The following MSH6 variants were observed in gnomAD, a reference collection of about 807,000 sequenced individuals.
MSH6 encodes the protein mutS homolog 6.
In MSH6, 85 loss-of-function variants were observed where a neutral mutation model predicts 119.1. That is an observed-to-expected ratio of 0.71 (90% CI 0.60 to 0.85). The LOEUF (loss-of-function observed/expected upper bound fraction) is 0.85, where lower values mean the gene tolerates loss of function less well. Among genes scored for constraint, MSH6 ranks in the 40% least tolerant of loss-of-function variants. The pLI is 0.00. For missense variants in MSH6, 2,163 were observed against 1,655.3 expected (o/e 1.31, Z -5.32); for synonymous variants, 830 against 586.9 (o/e 1.41, Z -5.99).
At position 47,803,457 on chromosome 2, in the gene MSH6, T is replaced by G. The variant is rs2104473331; in HGVS notation, c.3210T>G (p.Gly1070=). 3 of 1,613,942 alleles carry G rather than the reference T, an allele frequency of 1.9e-6. No homozygotes were observed. Among genetic ancestry groups the G allele is most frequent in the Non-Finnish European group, 2.5e-6 (3 of 1,180,002 alleles). Residue 1070 remains glycine (G), a synonymous_variant, in exon 5 of 10, where the codon GGT becomes GGG. Transcript: ENST00000234420. ...GCCTGGCTAACTATAGTCGAGGGGG[T>G]GATGGTCCTATGTGTCGCCCAGTAA... The part of the protein sequence containing the change: ...LLCLANYSRG[G]DGPMCRPVIL...
At position 47,799,659 on chromosome 2, in the gene MSH6, G is replaced by C. The variant is rs63750595; in HGVS notation, c.1676G>C (p.Cys559Ser). ...SSGHTRAYGV[C>S]FVDTSLGKFF... is the part of the protein sequence containing the mutation. ...GGCCATACTCGTGCATATGGTGTGTGCTTTGTTGATACTTCACTGGGAAAG... is the reference window on the plus strand; with the variant it reads ...GGCCATACTCGTGCATATGGTGTGTCCTTTGTTGATACTTCACTGGGAAAG... The change falls in exon 4 of 10, where the codon TGC (cysteine) becomes TCC (serine). Residue 559 changes from cysteine to serine, a missense_variant. By Grantham distance (112) the Cys-to-Ser change is moderately radical. Coordinates refer to ENST00000234420, the MANE Select transcript of MSH6 (RefSeq NM_000179.3). 6.2e-7 allele frequency: 1 copy of C among 1,614,154 alleles called. No individual in the cohort carries two copies. The highest frequency in any genetic ancestry group is 8.5e-7 in the Non-Finnish European group (1 of 1,180,032).
In MSH6 at chr2:47,797,547, T is replaced by C. The variant is rs535718757; in HGVS notation, c.628-1064T>C. On this transcript the variant is annotated intron_variant, in intron 3 of 9. Transcript: ENST00000234420. ...GTATAAGTTGCTTACTGCTTTCTTA[T>C]GCTATTAATGAGCATATCGCCTCCT... Among the ~76,000 whole-genome samples, 35 of 152,352 alleles carry C rather than the reference T, an allele frequency of 2.3e-4. 1 individual carries two copies. In the East Asian group the frequency reaches 2.3e-3, roughly 10 times the overall value.
chr2:47,791,074 C>T lies in MSH6; in HGVS notation c.408C>T (p.Asp136=), dbSNP rs878853746. Residue 136 remains aspartate (D), a synonymous_variant, in exon 2 of 10, where the codon GAC becomes GAT. Coordinates refer to ENST00000234420, the MANE Select transcript of MSH6 (RefSeq NM_000179.3). ...GTGTTCATGTACAGTTTTTTGATGACAGCCCAACAAGGGGCTGGGTTAGCA... is the reference window on the plus strand; with the variant it reads ...GTGTTCATGTACAGTTTTTTGATGATAGCCCAACAAGGGGCTGGGTTAGCA... The part of the protein sequence containing the change: ...SVRVHVQFFD[D]SPTRGWVSKR... 6.2e-6 allele frequency: 10 copies of T among 1,614,198 alleles called. No homozygotes were observed. In the African/African-American group the frequency reaches 1.1e-4, roughly 17 times the overall value.
chr2:47,801,360 A>AGTTTTTTTTT (rs1669575936), intron 4 of MSH6: 3 of 55,900 alleles, frequency 5.4e-5, no homozygotes, highest in South Asian at 6.0e-4. Context: ...GCCTTTCTTC[A>AGTTTTTTTTT]GTTTTTTTTT....
intron 4 of MSH6, among the ~76,000 whole-genome samples, chr2:47,801,519 C>G (rs755573897): frequency 1.3e-5 from 2 of 151,620 alleles, no homozygotes; most frequent in Non-Finnish European, 2.9e-5. Flanking sequence ...AGATATGCAC[C>G]ACCATGCATG....
At chr2:47,792,022 T>G (rs1416219317) in intron 2 of MSH6, among the ~76,000 whole-genome samples, 1 of 152,136 alleles carries the variant, frequency 6.6e-6, no homozygotes, top group East Asian at 1.9e-4. Context: ...AATTTTTTAT[T>G]TCTAGTAGAG....
At chr2:47,803,757 T>C in intron 5 of MSH6, 72 bp downstream of exon 5, 1 of 1,575,276 alleles carries the variant, frequency 6.3e-7, no homozygotes, top group Non-Finnish European at 8.7e-7. Flanking sequence ...TAGGTGATCA[T>C]TTTCCAAACA....
Position 47,799,475 on chromosome 2 carries a change from A to G in MSH6, c.1492A>G (p.Lys498Glu), listed in dbSNP as rs1669338018. ...TPEMMEARCR[K>E]MAHISKYDRV... ...AGAAATGATGGAGGCACGATGTAGAAAGATGGCACATATATCCAAGTATGA... is the reference window on the plus strand; with the variant it reads ...AGAAATGATGGAGGCACGATGTAGAGAGATGGCACATATATCCAAGTATGA... The change falls in exon 4 of 10, where the codon AAG (lysine) becomes GAG (glutamate). Residue 498 changes from lysine to glutamate, a missense_variant. Coordinates refer to ENST00000234420, the MANE Select transcript of MSH6 (RefSeq NM_000179.3). 1.9e-6 allele frequency: 3 copies of G among 1,614,164 alleles called. No individual in the cohort carries two copies. Among genetic ancestry groups the G allele is most frequent in the Non-Finnish European group, 2.5e-6 (3 of 1,180,018 alleles).
rs1282546478 is a variant in MSH6, at chr2:47,798,597, T to G, written c.628-14T>G. The G allele has an allele frequency of 6.2e-7, 1 of 1,607,074 alleles. No individual in the cohort carries two copies. The highest frequency in any genetic ancestry group is 1.3e-5 in the African/African-American group (1 of 74,920). ...TTTTGATTTGTTTTTAAATACTCTTTCCTTGCCTGGCAGGTAGGCACAACT... is the reference window on the plus strand; with the variant it reads ...TTTTGATTTGTTTTTAAATACTCTTGCCTTGCCTGGCAGGTAGGCACAACT... On this transcript the variant is annotated splice_polypyrimidine_tract_variant and intron_variant, in intron 3 of 9. Transcript: ENST00000234420.
chr2:47,806,743 C>G, intron 9 of MSH6, 36 bp from the exon 10 acceptor site: 3 of 1,389,274 alleles, frequency 2.2e-6, no homozygotes, highest in Non-Finnish European at 2.9e-6. Context: ...TATGAAAAAA[C>G]AAAAAAACTT....
Position 47,798,801 on chromosome 2 carries a change from G to A in MSH6, c.818G>A (p.Gly273Glu), listed in dbSNP as rs769610487. ...TTTAAGCCAGACACTAAGGAGGAAG[G>A]AAGCAGTGATGAAATAAGCAGTGGA... ...VEFKPDTKEE[G>E]SSDEISSGVG... The change falls in exon 4 of 10, where the codon GGA becomes GAA. Residue 273 changes from glycine to glutamate, a missense_variant. Gly to Glu is a moderately conservative substitution (Grantham distance 98). Transcript: ENST00000234420. 3.7e-6 allele frequency: 6 copies of A among 1,614,176 alleles called. No individual in the cohort carries two copies. Among genetic ancestry groups the A allele is most frequent in the Admixed American group, 1.7e-5 (1 of 60,012 alleles).
downstream of MSH6, chr2:47,807,957 T>C (rs3732187): frequency 2.6e-5 from 17 of 657,608 alleles, no homozygotes; most frequent in East Asian, 3.1e-4. Flanking sequence ...ATTGCCACTT[T>C]CTTTTTGGTA....
At chr2:47,807,644 T>C (rs1411129612), downstream of MSH6, 2 of 218,126 alleles carry the variant, frequency 9.2e-6, no homozygotes, top group East Asian at 1.4e-4. Context: ...ATTAAAATCA[T>C]ATTTCTCAAT....
At chr2:47,809,002 T>TA, downstream of MSH6, 1 of 538,646 alleles carries the variant, frequency 1.9e-6, no homozygotes, top group Admixed American at 3.7e-5. Context: ...TACCCACAGT[T>TA]ACAGTCTTAA....
At chr2:47,787,573 A>G (rs1668422956) in intron 1 of MSH6, among the ~76,000 whole-genome samples, 1 of 152,142 alleles carries the variant, frequency 6.6e-6, no homozygotes, top group Non-Finnish European at 1.5e-5. Context: ...AAAGCTTTAA[A>G]AGCACTTGCA....
At chr2:47,792,269 G>A (rs1440356305) in intron 2 of MSH6, among the ~76,000 whole-genome samples, 3 of 152,088 alleles carry the variant, frequency 2.0e-5, no homozygotes, top group African/African-American at 4.8e-5. Context: ...AGTCTAGTAC[G>A]TTGTCGTACT....
In MSH6 at chr2:47,801,718, T is replaced by C. The variant is rs576630670; in HGVS notation, c.3172+563T>C. On this transcript the variant is annotated intron_variant, in intron 4 of 9. Coordinates refer to ENST00000234420, the MANE Select transcript of MSH6 (RefSeq NM_000179.3). ...ACAAAAGGTTTTTGTTTTTAGACAG[T>C]GTCTTGCTCTGTTACCCAGGACAGA... Among the ~76,000 whole-genome samples the C allele has an allele frequency of 2.6e-5, 4 of 152,166 alleles. No individual in the cohort carries two copies. In the South Asian group the frequency reaches 8.3e-4, roughly 32 times the overall value.
At chr2:47,801,436 A>G in intron 4 of MSH6, 1 of 351,394 alleles carries the variant, frequency 2.8e-6, no homozygotes, top group Non-Finnish European at 5.1e-6. Flanking sequence ...TGACACAACC[A>G]TGGCTACTGC....
intron 3 of MSH6, chr2:47,798,168 A>C: frequency 5.8e-6 from 1 of 172,772 alleles, no homozygotes; most frequent in Non-Finnish European, 1.2e-5. Context: ...AGTGAAACTG[A>C]AGTTGATGTT....
Sources: allele counts gnomAD v4.1 joint callset (sites outside exome capture counted in the v4.1 genomes callset), GRCh38; gene constraint gnomAD v4.1.1; transcripts MANE v1.5; gene names NCBI Gene and HGNC (gene_info 2026-07-23, HGNC 2026-07-21).